Variants in SLC22A25 observed in about 807,000 individuals in gnomAD.
SLC22A25 encodes MGI:2442751, MGI:2385316, MGI:3042283, MGI:3645714, MGI:3605624, MGI:2442750.
In SLC22A25, 44 loss-of-function variants were observed where a neutral mutation model predicts 45.9. The ratio of observed to expected loss-of-function variants is 0.96; its 90% CI spans 0.75 to 1.23. SLC22A25 has a LOEUF of 1.23. Ranked by LOEUF, SLC22A25 falls within the 50% of genes most tolerant of loss-of-function variation. The pLI is 0.00. For synonymous variants in SLC22A25, 283 were observed against 238.6 expected (o/e 1.19, Z -1.72); for missense variants, 800 against 666.4 (o/e 1.20, Z -2.21).
chr11:63,172,792 T>C (rs558620359), intron 9 of SLC22A25, among the ~76,000 whole-genome samples: 1 of 152,010 alleles, frequency 6.6e-6, no homozygotes, highest in East Asian at 1.9e-4. Context: ...AGTTCAACCA[T>C]GTGGAAGACA....
intron 5 of SLC22A25, among the ~76,000 whole-genome samples, chr11:63,219,519 T>G (rs1368180598): frequency 6.6e-6 from 1 of 152,234 alleles, no homozygotes; most frequent in Non-Finnish European, 1.5e-5. Context: ...AAATCCACTA[T>G]GTGAATATCC....
At chr11:63,202,138 C>A (rs2089264684) in intron 7 of SLC22A25, among the ~76,000 whole-genome samples, 1 of 152,122 alleles carries the variant, frequency 6.6e-6, no homozygotes, top group Non-Finnish European at 1.5e-5. Context: ...TTCACATGGT[C>A]TTCACAGCCC....
In SLC22A25 at chr11:63,188,301, C is replaced by A. The variant is rs906826152; in HGVS notation, c.831-4484G>T. Among the ~76,000 whole-genome samples the A allele has an allele frequency of 9.9e-5, 15 of 152,264 alleles. No individual in the cohort carries two copies. In the South Asian group the frequency reaches 2.5e-3, roughly 25 times the overall value. On this transcript the variant is annotated intron_variant, in intron 7 of 11. Transcript: ENST00000306494. ...GGGTGGATGTGTCCAGGAATTTATC[C>A]ATTTCTTCTAGTTTTTCTAGTTTAT...
chr11:63,226,805 T>C (rs2089971085), intron 5 of SLC22A25, among the ~76,000 whole-genome samples: 1 of 152,190 alleles, frequency 6.6e-6, no homozygotes, highest in Non-Finnish European at 1.5e-5. Flanking sequence ...GGAAACCTTA[T>C]AAATCTACCC....
intron 7 of SLC22A25, among the ~76,000 whole-genome samples, chr11:63,216,424 T>C (rs1362798875): frequency 6.6e-6 from 1 of 152,128 alleles, no homozygotes; most frequent in Non-Finnish European, 1.5e-5. Context: ...TATGCACACG[T>C]ATGTTCATGG....
intron 3 of SLC22A25, among the ~76,000 whole-genome samples, chr11:63,235,653 C>T (rs577281219): frequency 6.6e-6 from 1 of 152,324 alleles, no homozygotes; most frequent in East Asian, 1.9e-4. Context: ...TCATTGAAGT[C>T]ATTCTCTGTC....
intron 7 of SLC22A25, among the ~76,000 whole-genome samples, chr11:63,194,654 A>T (rs2088939615): frequency 6.6e-6 from 1 of 152,044 alleles, no homozygotes; most frequent in African/African-American, 2.4e-5. Context: ...AACTGCATCA[A>T]CTAACGAGCA....
rs917388790 is a variant in SLC22A25 at position 63,163,102 on chromosome 11, G to A, written c.*722C>T. Among the ~76,000 whole-genome samples, 1 of 152,104 alleles carries A rather than the reference G, an allele frequency of 6.6e-6. No individual in the cohort carries two copies. Among genetic ancestry groups the A allele is most frequent in the Admixed American group, 6.6e-5 (1 of 15,262 alleles). Reference sequence around the variant, plus strand: ...TTTAATAAAAAACATGCCTCTGCCCGCAAGTGTTTGTGTAAACCTTGTGAA... The same window carrying A: ...TTTAATAAAAAACATGCCTCTGCCCACAAGTGTTTGTGTAAACCTTGTGAA... On this transcript the variant is annotated 3_prime_UTR_variant, in exon 12 of 12. Coordinates refer to ENST00000306494, the MANE Select transcript of SLC22A25 (RefSeq NM_199352.6).
intron 9 of SLC22A25, among the ~76,000 whole-genome samples, chr11:63,169,006 C>T (rs2087783094): frequency 6.6e-6 from 1 of 152,106 alleles, no homozygotes; most frequent in African/African-American, 2.4e-5. Flanking sequence ...AGAGTGAATG[C>T]CAATATTCAA....
chr11:63,195,896 C>G (rs190684278), intron 7 of SLC22A25, among the ~76,000 whole-genome samples: 2 of 152,094 alleles, frequency 1.3e-5, no homozygotes, highest in South Asian at 4.2e-4. Flanking sequence ...ATCAAATAGA[C>G]GCAATAAAAA....
chr11:63,198,717 TAAAAA>T (rs899182298), intron 7 of SLC22A25, among the ~76,000 whole-genome samples: 5 of 151,256 alleles, frequency 3.3e-5, no homozygotes, highest in East Asian at 1.9e-4. Context: ...TTAAGTATAA[TAAAAA>T]AAAGAAAAAA....
At chr11:63,194,683 A>T (rs1412389772) in intron 7 of SLC22A25, among the ~76,000 whole-genome samples, 1 of 152,002 alleles carries the variant, frequency 6.6e-6, no homozygotes, top group Non-Finnish European at 1.5e-5. Flanking sequence ...AGCTAACATC[A>T]TAATGACAGG....
intron 5 of SLC22A25, among the ~76,000 whole-genome samples, chr11:63,224,211 T>C (rs2089910876): frequency 6.6e-6 from 1 of 152,128 alleles, no homozygotes; most frequent in Non-Finnish European, 1.5e-5. Flanking sequence ...TTTTTACGTT[T>C]TTTTGTCTTG....
At chr11:63,187,911 G>A (rs1346909057) in intron 7 of SLC22A25, among the ~76,000 whole-genome samples, 1 of 152,198 alleles carries the variant, frequency 6.6e-6, no homozygotes, top group African/African-American at 2.4e-5. Flanking sequence ...GATCATGTTG[G>A]ATAAGCTTTT....
intron 7 of SLC22A25, among the ~76,000 whole-genome samples, chr11:63,201,101 C>T (rs1345781396): frequency 1.3e-5 from 2 of 152,084 alleles, no homozygotes; most frequent in African/African-American, 2.4e-5. Flanking sequence ...AGATTCAATG[C>T]TATTCCTATT....
chr11:63,199,080 A>C (rs1014467085), intron 7 of SLC22A25, among the ~76,000 whole-genome samples: 2 of 152,010 alleles, frequency 1.3e-5, no homozygotes, highest in African/African-American at 4.8e-5. Flanking sequence ...AGATTGAGAC[A>C]CAGAAGCCGT....
chr11:63,202,584 T>C (rs1362301579), intron 7 of SLC22A25, among the ~76,000 whole-genome samples: 1 of 152,228 alleles, frequency 6.6e-6, no homozygotes, highest in Admixed American at 6.5e-5. Context: ...CCTAAGCTGC[T>C]GTAGCCAGAC....
intron 7 of SLC22A25, among the ~76,000 whole-genome samples, chr11:63,205,133 A>G (rs1296238717): frequency 2.0e-5 from 3 of 152,258 alleles, no homozygotes; most frequent in South Asian, 2.1e-4. Flanking sequence ...GATACAATGT[A>G]CCAGAGTCTC....
intron 1 of SLC22A25, among the ~76,000 whole-genome samples, chr11:63,239,622 A>G (rs1298471235): frequency 6.6e-6 from 1 of 152,214 alleles, no homozygotes; most frequent in Non-Finnish European, 1.5e-5. Context: ...AGTGTGAGCT[A>G]ATTAGAGCAA....
Sources: gnomAD v4.1 joint callset for allele counts (sites outside exome capture counted in the v4.1 genomes callset) on GRCh38, gnomAD v4.1.1 for gene constraint, MANE v1.5 for transcripts, NCBI Gene and HGNC (gene_info 2026-07-23, HGNC 2026-07-21) for gene names.